The following GCNT2 variants were observed in gnomAD, a reference collection of about 807,000 sequenced individuals.
The protein encoded by GCNT2 is glucosaminyl (N-acetyl) transferase 2 (I blood group), also known as N-acetyllactosaminide beta-1,6-N-acetylglucosaminyl-transferase.
A neutral mutation model predicts 34.2 loss-of-function variants in GCNT2; 34 were observed. That is an observed-to-expected ratio of 1.00 (90% CI 0.76 to 1.32). GCNT2 has a LOEUF of 1.32. GCNT2 is among the 40% of genes most tolerant of loss of function. The pLI is 0.00. For missense variants in GCNT2, 584 were observed against 489.4 expected, an observed-to-expected ratio of 1.19 and a Z score of -1.82; for synonymous variants, 212 against 188.0, an observed-to-expected ratio of 1.13 and a Z score of -1.04.
chr6:10,556,428 C>CT, intron 3 of GCNT2: 1 of 1,613,822 alleles, frequency 6.2e-7, no homozygotes, highest in Non-Finnish European at 8.5e-7. Context: ...TGAGGCATGC[C>CT]TTTATCAATG....
At chr6:10,554,259 A>T (rs1474761547) in intron 3 of GCNT2, among the ~76,000 whole-genome samples, 1 of 152,242 alleles carries the variant, frequency 6.6e-6, no homozygotes, top group African/African-American at 2.4e-5. Context: ...TTTTAATACC[A>T]GAATCTGAGA....
chr6:10,604,841 AGAGT>A (rs1202411444), intron 3 of GCNT2, among the ~76,000 whole-genome samples: 2 of 151,276 alleles, frequency 1.3e-5, no homozygotes, highest in Non-Finnish European at 2.9e-5. Flanking sequence ...CCTGGGTGAC[AGAGT>A]GAGACCTTGT....
intron 3 of GCNT2, among the ~76,000 whole-genome samples, chr6:10,585,557 G>A (rs933464391): frequency 2.0e-5 from 3 of 152,186 alleles, no homozygotes; most frequent in Non-Finnish European, 4.4e-5. Flanking sequence ...CGTGAGAAGG[G>A]AGATCAGATC....
chr6:10,529,341 C>G lies in GCNT2; in HGVS notation c.430C>G (p.Leu144Val). The change falls in exon 3 of 5, where the codon CTC (leucine) becomes GTC (valine). Residue 144 changes from leucine to valine, a missense_variant. Coordinates refer to ENST00000495262, the MANE Select transcript of GCNT2 (RefSeq NM_145649.5). ...CTTTAAAGGTGCAGTGAAACAGTTA[C>G]TCAGCTGCTTCCCAAATGCTTTTCT... Reference protein sequence around the residue: ...DAFKGAVKQLLSCFPNAFLAS... With the variant: ...DAFKGAVKQLVSCFPNAFLAS... 6.2e-7 allele frequency: 1 copy of G among 1,613,984 alleles called. No homozygotes were observed. Among genetic ancestry groups the G allele is most frequent in the Non-Finnish European group, 8.5e-7 (1 of 1,180,004 alleles).
At chr6:10,552,926 A>G (rs1341947576) in intron 3 of GCNT2, among the ~76,000 whole-genome samples, 1 of 152,208 alleles carries the variant, frequency 6.6e-6, no homozygotes, top group Admixed American at 6.5e-5. Context: ...GAATGGGTAC[A>G]GTTTCACCCC....
chr6:10,609,554 G>C (rs1765462844), intron 3 of GCNT2, among the ~76,000 whole-genome samples: 1 of 152,306 alleles, frequency 6.6e-6, no homozygotes, highest in East Asian at 1.9e-4. Flanking sequence ...TCAAACCATA[G>C]CAGAGGGCAA....
intron 4 of GCNT2, among the ~76,000 whole-genome samples, chr6:10,624,752 T>G (rs1766186969): frequency 6.6e-6 from 1 of 152,158 alleles, no homozygotes; most frequent in Non-Finnish European, 1.5e-5. Flanking sequence ...TCCCTCCTGT[T>G]TCAAGAGGAC....
chr6:10,528,213 T>A (rs1761295712), intron 2 of GCNT2: 1 of 152,460 alleles, frequency 6.6e-6, no homozygotes, highest in South Asian at 2.1e-4. Context: ...CAGACAAAAT[T>A]AAGCCCTGGA....
At chr6:10,581,623 T>TCC (rs1764072100) in intron 3 of GCNT2, 1 of 288,906 alleles carries the variant, frequency 3.5e-6, no homozygotes, top group African/African-American at 2.3e-5. Flanking sequence ...ATGCTGCCAC[T>TCC]CCCATCTGCA....
Position 10,528,919 on chromosome 6 carries a change from G to A in GCNT2, c.8G>A (p.Gly3Asp). 1.2e-6 allele frequency: 2 copies of A among 1,612,018 alleles called. No individual in the cohort carries two copies. The highest frequency in any genetic ancestry group is 2.2e-5 in the South Asian group (2 of 91,040). ...CTCATTTCCTGGTTGTGAATGATGG[G>A]CTCTTGGAAGCACTGTCTTTTTAGC... MM[G>D]SWKHCLFSAS... is the part of the protein sequence containing the mutation. The change falls in exon 3 of 5, where the codon GGC (glycine) becomes GAC (aspartate). Residue 3 changes from glycine to aspartate, a missense_variant. Coordinates refer to ENST00000495262, the MANE Select transcript of GCNT2 (RefSeq NM_145649.5).
chr6:10,555,868 G>A (rs994482234), intron 3 of GCNT2: 4 of 992,154 alleles, frequency 4.0e-6, no homozygotes, highest in Non-Finnish European at 4.8e-6. Context: ...TCTATCCCGT[G>A]GGTTGCGCTG....
At chr6:10,549,926 G>A (rs947599122) in intron 3 of GCNT2, among the ~76,000 whole-genome samples, 5 of 152,094 alleles carry the variant, frequency 3.3e-5, no homozygotes, top group Admixed American at 1.3e-4. Flanking sequence ...AGGTGTTTGT[G>A]TATTCATTTT....
At chr6:10,522,253 T>C (rs1047540797) in intron 1 of GCNT2, among the ~76,000 whole-genome samples, 3 of 151,322 alleles carry the variant, frequency 2.0e-5, no homozygotes, top group African/African-American at 7.4e-5. Context: ...TGAACCTCAT[T>C]TGATAATAGG....
At chr6:10,537,705 A>G (rs1229270246) in intron 3 of GCNT2, among the ~76,000 whole-genome samples, 5 of 55,138 alleles carry the variant, frequency 9.1e-5, no homozygotes, top group African/African-American at 2.3e-4. Flanking sequence ...CCGCAAAAAA[A>G]AAAAAAAAAA....
chr6:10,614,329 C>G (rs887320847), intron 3 of GCNT2, among the ~76,000 whole-genome samples: 7 of 152,038 alleles, frequency 4.6e-5, no homozygotes, highest in Non-Finnish European at 1.0e-4. Flanking sequence ...TTGGTGCTTG[C>G]TAAGAAGGTA....
At chr6:10,542,470 G>A (rs1014221614) in intron 3 of GCNT2, among the ~76,000 whole-genome samples, 2 of 152,070 alleles carry the variant, frequency 1.3e-5, no homozygotes, top group African/African-American at 4.8e-5. Context: ...CATGATCCCC[G>A]GCTAATGTAG....
intron 3 of GCNT2, among the ~76,000 whole-genome samples, chr6:10,569,859 C>CTCTTTCTT (rs71548849): frequency 6.7e-6 from 1 of 149,438 alleles, no homozygotes; most frequent in Non-Finnish European, 1.5e-5. Context: ...CTCTTTCTTT[C>CTCTTTCTT]TCTTTCTTTC....
rs1161763630 is a variant in GCNT2, at chr6:10,585,647, A to G, written c.926-35704A>G. On this transcript the variant is annotated intron_variant, in intron 3 of 4. Coordinates refer to ENST00000495262, the MANE Select transcript of GCNT2 (RefSeq NM_145649.5). ...TCCAGTGAAAAGGACCCATCATTGC[A>G]TTCCAGAACGTAATTTGCATTTCAT... 6 of 478,674 alleles carry G rather than the reference A, an allele frequency of 1.3e-5. No individual in the cohort carries two copies. The East Asian group carries it at 3.7e-4, about 29-fold the overall frequency. 29.7% of individuals were successfully genotyped at this position (478,674 alleles called of 1,614,324 possible). A position where few individuals can be genotyped will look rare whatever the true frequency, so the allele number is the denominator to read the frequency against.
rs543605382 is a variant in GCNT2 at position 10,613,417 on chromosome 6, G to A, written c.926-7934G>A. Among the ~76,000 whole-genome samples the A allele has an allele frequency of 1.4e-4, 22 of 152,004 alleles. 1 individual carries two copies. In the South Asian group the frequency reaches 4.4e-3, roughly 30 times the overall value. ...CTGTCCTAGAAATAATGAAAAATAGGCCTTTGCTAGGATTCTTGTGAATGA... is the reference window on the plus strand; with the variant it reads ...CTGTCCTAGAAATAATGAAAAATAGACCTTTGCTAGGATTCTTGTGAATGA... On this transcript the variant is annotated intron_variant, in intron 3 of 4. Coordinates refer to ENST00000495262, the MANE Select transcript of GCNT2 (RefSeq NM_145649.5).
Sources: gnomAD v4.1 joint callset for allele counts (sites outside exome capture counted in the v4.1 genomes callset) on GRCh38, gnomAD v4.1.1 for gene constraint, MANE v1.5 for transcripts, NCBI Gene and HGNC (gene_info 2026-07-23, HGNC 2026-07-21) for gene names.